Variants in FBN2 observed in about 807,000 individuals in gnomAD.
FBN2 encodes fibrillin-2.
FBN2 carries 105 observed loss-of-function variants against 355.6 expected under a neutral mutation model. That is an observed-to-expected ratio of 0.30 (90% CI 0.25 to 0.35). The LOEUF (loss-of-function observed/expected upper bound fraction) is 0.35, where lower values mean the gene tolerates loss of function less well. FBN2 is among the 10% of genes least tolerant of loss of function. FBN2 has a pLI of 1.00. For synonymous variants in FBN2, 1,350 were observed against 1,301.2 expected (o/e 1.04, Z -0.81); for missense variants, 3,280 against 3,758.7 (o/e 0.87, Z 3.33).
Position 128,446,581 on chromosome 5 carries a change from T to C in FBN2, c.852A>G (p.Pro284=), listed in dbSNP as rs1754069776. 6.2e-7 allele frequency: 1 copy of C among 1,613,468 alleles called. No individual in the cohort carries two copies. Among genetic ancestry groups the C allele is most frequent in the East Asian group, 2.2e-5 (1 of 44,838 alleles). ...TACAGTTTCCTCCTTGGCATATCCC[T>C]GGGATAGCCTGGCATTCATCAACAT... The part of the protein sequence containing the change: ...CQDVDECQAI[P]GICQGGNCIN... The change falls in exon 7 of 65, where the codon CCA becomes CCG. Residue 284 remains proline, a synonymous_variant. Transcript: ENST00000262464.
chr5:128,301,045 C>CAGTA lies in FBN2; in HGVS notation c.6047-110_6047-109insTACT, dbSNP rs1749701645. The CAGTA allele has an allele frequency of 1.4e-5, 14 of 983,182 alleles. No homozygotes were observed. The Admixed American group carries it at 2.7e-4, about 19-fold the overall frequency. The allele number at this position is 983,182 out of a possible 1,614,324, so 60.9% of individuals were successfully genotyped here. The stretch of plus-strand genomic sequence containing the variant: ...ATGAATTCAACTCGGGTCCTCTGAT[C>CAGTA]TACTGGGTCACCATGAACAAATATT... On this transcript the variant is annotated intron_variant, in intron 47 of 64. Coordinates refer to ENST00000262464, the MANE Select transcript of FBN2 (RefSeq NM_001999.4).
At chr5:128,284,202 G>A (rs115709714) in intron 55 of FBN2, among the ~76,000 whole-genome samples, 1,978 of 152,270 alleles carry the variant, frequency 0.013, 48 homozygotes, top group African/African-American at 0.045. Flanking sequence ...AGGGTTTCAT[G>A]TGAATTTTTT....
At chr5:128,410,256 A>C (rs545739814) in intron 7 of FBN2, among the ~76,000 whole-genome samples, 1 of 152,318 alleles carries the variant, frequency 6.6e-6, no homozygotes, top group East Asian at 1.9e-4. Context: ...CGTGTGCAAA[A>C]TTAGGTCCTG....
intron 5 of FBN2, among the ~76,000 whole-genome samples, chr5:128,515,195 T>C (rs1246283812): frequency 6.6e-6 from 1 of 152,170 alleles, no homozygotes; most frequent in Non-Finnish European, 1.5e-5. Flanking sequence ...AAGGTCTAAG[T>C]AGATTTAATG....
chr5:128,336,149 T>C (rs1208566852), intron 27 of FBN2, 36 bp from the exon 28 acceptor site: 2 of 1,607,448 alleles, frequency 1.2e-6, no homozygotes, highest in South Asian at 1.1e-5. Flanking sequence ...CTTTACACAA[T>C]GTCCACTCAC....
chr5:128,305,888 A>G lies in FBN2; in HGVS notation c.5483T>C (p.Ile1828Thr). 2 of 1,613,866 alleles carry G rather than the reference A, an allele frequency of 1.2e-6. No individual in the cohort carries two copies. Among genetic ancestry groups the G allele is most frequent in the Non-Finnish European group, 1.7e-6 (2 of 1,179,762 alleles). ...AGGGCATTCACAGCGGAAACTGCCAATCTGGTTAATGCACACACCATTTGC... is the reference window on the plus strand; with the variant it reads ...AGGGCATTCACAGCGGAAACTGCCAGTCTGGTTAATGCACACACCATTTGC... ...ICANGVCINQ[I>T]GSFRCECPTG... The change falls in exon 43 of 65, where the codon ATT (isoleucine) becomes ACT (threonine). Residue 1828 changes from isoleucine (I) to threonine (T), a missense_variant. This residue lies in a region of FBN2 where 2,284 missense variants were observed against 2,749.5 expected (regional missense o/e 0.83). Transcript: ENST00000262464.
At chr5:128,290,687 A>T (rs1283772235) in intron 50 of FBN2, 45 bp downstream of exon 50, 2 of 1,602,972 alleles carry the variant, frequency 1.2e-6, no homozygotes, top group Admixed American at 1.7e-5. Flanking sequence ...CAAACATTCA[A>T]AAACTGGTAC....
At chr5:128,458,529 T>C (rs1029610775) in intron 6 of FBN2, among the ~76,000 whole-genome samples, 3 of 151,354 alleles carry the variant, frequency 2.0e-5, no homozygotes, top group African/African-American at 7.3e-5. Flanking sequence ...CCACTTATTC[T>C]AAAATTGACC....
At position 128,309,235 on chromosome 5, in the gene FBN2, C is replaced by T; in HGVS notation, c.5353+12G>A. On this transcript the variant is annotated intron_variant, in intron 41 of 64. Coordinates refer to ENST00000262464, the MANE Select transcript of FBN2 (RefSeq NM_001999.4). ...ATGTGGCAGTCAGCAGATGCACGAG[C>T]CGTGTGCTTACCTGTTCCTGGAGTT... The T allele has an allele frequency of 1.2e-6, 2 of 1,613,820 alleles. No individual in the cohort carries two copies. The highest frequency in any genetic ancestry group is 1.7e-6 in the Non-Finnish European group (2 of 1,179,782).
At position 128,393,162 on chromosome 5, in the gene FBN2, C is replaced by T. The variant is rs1375381212; in HGVS notation, c.1438G>A (p.Gly480Arg). The T allele has an allele frequency of 6.2e-7, 1 of 1,613,906 alleles. No individual in the cohort carries two copies. Among genetic ancestry groups the T allele is most frequent in the Non-Finnish European group, 8.5e-7 (1 of 1,179,904 alleles). The stretch of plus-strand genomic sequence containing the variant: ...AGTCCAGTGATGATAGGTCCCTGTC[C>T]CCCGGCCCCCACACCGGCTCCCCCA... Reference protein sequence around the residue: ...GVGGAGVGAGGQGPIITGLTI... With the variant: ...GVGGAGVGAGRQGPIITGLTI... Residue 480 changes from glycine to arginine, a missense_variant, in exon 10 of 65, where the codon GGA becomes AGA. Coordinates refer to ENST00000262464, the MANE Select transcript of FBN2 (RefSeq NM_001999.4).
rs775607402 is a variant in FBN2, at chr5:128,263,534, C to T, written c.8083G>A (p.Asp2695Asn). ...SFDQFSSACHDVNECSSSKNP... is the reference protein window; with the variant it reads ...SFDQFSSACHNVNECSSSKNP... ...TTGGAGGACGAGCACTCATTCACGTCGTGGCAGGCACTGGAGAACTGGTCG... is the reference window on the plus strand; with the variant it reads ...TTGGAGGACGAGCACTCATTCACGTTGTGGCAGGCACTGGAGAACTGGTCG... Residue 2695 changes from aspartate (D) to asparagine (N), a missense_variant, in exon 63 of 65, where the codon GAC (aspartate) becomes AAC (asparagine). Physicochemically the swap from Asp to Asn is conservative, Grantham distance 23. This residue lies in a region of FBN2 where 311 missense variants were observed against 319.1 expected (regional missense o/e 0.97). Coordinates refer to ENST00000262464, the MANE Select transcript of FBN2 (RefSeq NM_001999.4). 1.5e-5 allele frequency: 25 copies of T among 1,613,930 alleles called. No homozygotes were observed. Among genetic ancestry groups the T allele is most frequent in the African/African-American group, 1.3e-5 (1 of 74,884 alleles).
At chr5:128,267,614 G>T (rs1276001469) in intron 62 of FBN2, among the ~76,000 whole-genome samples, 1 of 151,010 alleles carries the variant, frequency 6.6e-6, no homozygotes, top group African/African-American at 2.4e-5. Flanking sequence ...CCACATAAAT[G>T]TTTTTTTTTG....
chr5:128,332,854 A>T, intron 32 of FBN2, 58 bp downstream of exon 32: 1 of 1,567,650 alleles, frequency 6.4e-7, no homozygotes, highest in Non-Finnish European at 8.8e-7. Context: ...CAACCATGCA[A>T]AAAAGAGCCT....
rs368391416 is a variant in FBN2 at position 128,373,215 on chromosome 5, T to C, written c.2095+1413A>G. 2.0e-4 allele frequency among the ~76,000 whole-genome samples: 30 copies of C among 152,260 alleles called. No homozygotes were observed. In the East Asian group the frequency reaches 5.8e-3, roughly 29 times the overall value. On this transcript the variant is annotated intron_variant, in intron 15 of 64. Transcript: ENST00000262464. ...GGTTACTTAAGAGAAAAATAATTTCTCCCTCCAAAACTGGCTTTGTGCTCA... is the reference window on the plus strand; with the variant it reads ...GGTTACTTAAGAGAAAAATAATTTCCCCCTCCAAAACTGGCTTTGTGCTCA...
intron 34 of FBN2, among the ~76,000 whole-genome samples, chr5:128,321,165 T>C (rs1750361098): frequency 6.6e-6 from 1 of 152,230 alleles, no homozygotes; most frequent in African/African-American, 2.4e-5. Context: ...CTGACTTATT[T>C]CATGTGTAAG....
At chr5:128,400,544 C>T (rs1342945779) in intron 8 of FBN2, among the ~76,000 whole-genome samples, 1 of 152,054 alleles carries the variant, frequency 6.6e-6, no homozygotes, top group African/African-American at 2.4e-5. Context: ...CAATCTGGCA[C>T]CCATCAATTG....
chr5:128,266,709 A>G (rs1765121506), intron 62 of FBN2, among the ~76,000 whole-genome samples: 1 of 152,164 alleles, frequency 6.6e-6, no homozygotes, highest in South Asian at 2.1e-4. Context: ...TCTGTTTGAT[A>G]GAGAATCATT....
At chr5:128,478,632 C>A (rs189533434) in intron 5 of FBN2, among the ~76,000 whole-genome samples, 1 of 152,270 alleles carries the variant, frequency 6.6e-6, no homozygotes, top group East Asian at 1.9e-4. Context: ...ATGTCAAGGT[C>A]TTTTCAGGAC....
rs923908620 is a variant in FBN2, at chr5:128,298,331, C to T, written c.6166+2486G>A. Among the ~76,000 whole-genome samples, 23 of 151,974 alleles carry T rather than the reference C, an allele frequency of 1.5e-4. No homozygotes were observed. In the South Asian group the frequency reaches 1.7e-3, roughly 11 times the overall value. ...TTATGTGTCTTGGTGTTGCTCTTCT[C>T]GAGGAGTATCTTTGTGGCGTTCTCT... On this transcript the variant is annotated intron_variant, in intron 48 of 64. Coordinates refer to ENST00000262464, the MANE Select transcript of FBN2 (RefSeq NM_001999.4).
Sources: gnomAD v4.1 joint callset for allele counts (sites outside exome capture counted in the v4.1 genomes callset) on GRCh38, gnomAD v4.1.1 for gene constraint, gnomAD v4.1.1 regional missense constraint, MANE v1.5 for transcripts, NCBI Gene and HGNC (gene_info 2026-07-23, HGNC 2026-07-21) for gene names.